MELTF: variants seen among roughly 807,000 people sequenced by gnomAD.
MELTF encodes melanotransferrin, also known as antigen p97 (melanoma associated) identified by monoclonal antibodies 133.2 and 96.5.
Under a neutral mutation model 83.7 loss-of-function variants are expected in MELTF, and 67 were observed. The observed-to-expected ratio is 0.80, with a 90% confidence interval of 0.66 to 0.98. The LOEUF is 0.98. MELTF is among the 50% of genes least tolerant of loss of function. MELTF has a pLI of 0.00. For synonymous variants in MELTF, 462 were observed against 447.6 expected (o/e 1.03, Z -0.41); for missense variants, 1,002 against 1,035.6 (o/e 0.97, Z 0.44).
At chr3:197,027,935 C>G (rs556535644) in intron 1 of MELTF, 25 bp from the exon 2 acceptor site, 18 of 1,539,592 alleles carry the variant, frequency 1.2e-5, no homozygotes, top group Non-Finnish European at 1.6e-5. Context: ...CCGTGAGGCC[C>G]GGCTCCCCCG....
intron 9 of MELTF, among the ~76,000 whole-genome samples, chr3:197,012,468 C>T (rs1247010189): frequency 6.6e-6 from 1 of 152,262 alleles, no homozygotes; most frequent in Non-Finnish European, 1.5e-5. Flanking sequence ...AGCCTGGTCA[C>T]CCTGTATTCT....
chr3:197,003,581 T>C lies in MELTF; in HGVS notation c.2138-130A>G, dbSNP rs1243164331. On this transcript the variant is annotated intron_variant, in intron 15 of 15. Transcript: ENST00000296350. The surrounding 1 kb of genome is among the most constrained non-coding windows in gnomAD (Gnocchi z 6.2). ...GCCGCAGCCTCCCTCTTTGTGCTCC[T>C]TTCCCCTGCTGCCCTTCCAGATGCG... 2.8e-6 allele frequency: 2 copies of C among 719,298 alleles called. No individual in the cohort carries two copies. The highest frequency in any genetic ancestry group is 3.6e-5 in the African/African-American group (2 of 55,076). 44.6% of individuals were successfully genotyped at this position (719,298 alleles called of 1,614,324 possible).
At position 197,003,632 on chromosome 3, in the gene MELTF, A is replaced by C. The variant is rs2108949682; in HGVS notation, c.2138-181T>G. 2 of 649,104 alleles carry C rather than the reference A, an allele frequency of 3.1e-6. No individual in the cohort carries two copies. Among genetic ancestry groups the C allele is most frequent in the Non-Finnish European group, 5.1e-6 (2 of 395,986 alleles). The allele number at this position is 649,104 out of a possible 1,614,324, so 40.2% of individuals were successfully genotyped here. A position where few individuals can be genotyped will look rare whatever the true frequency, so the allele number is the denominator to read the frequency against. On this transcript the variant is annotated intron_variant, in intron 15 of 15. Coordinates refer to ENST00000296350, the MANE Select transcript of MELTF (RefSeq NM_005929.6). The surrounding 1 kb of genome is among the most constrained non-coding windows in gnomAD (Gnocchi z 6.2). ...CTCTTTCCAGAAAGGCAGCACACGC[A>C]TGTCTCTGCCGTGGCCCCAGATCCT...
Position 197,003,298 on chromosome 3 carries a change from T to G in MELTF, c.*74A>C, listed in dbSNP as rs993646790. ...CGGGCCCGGCCTTCGCGAGCTTCCTTCTGGATTCCAGCGCGAAGCCGCCGC... is the reference window on the plus strand; with the variant it reads ...CGGGCCCGGCCTTCGCGAGCTTCCTGCTGGATTCCAGCGCGAAGCCGCCGC... On this transcript the variant is annotated 3_prime_UTR_variant, in exon 16 of 16. Transcript: ENST00000296350. This position sits in a 1 kb window ranked among gnomAD's most constrained non-coding sequence, Gnocchi z 6.2. The G allele has an allele frequency of 1.4e-5, 14 of 1,036,434 alleles. No homozygotes were observed. In the Admixed American group the frequency reaches 6.3e-4, roughly 46 times the overall value. The allele number at this position is 1,036,434 out of a possible 1,614,324, so 64.2% of individuals were successfully genotyped here. A position where few individuals can be genotyped will look rare whatever the true frequency, so the allele number is the denominator to read the frequency against.
In MELTF at chr3:197,010,791, C is replaced by G; in HGVS notation, c.1237G>C (p.Glu413Gln). 1 of 1,613,448 alleles carries G rather than the reference C, an allele frequency of 6.2e-7. No individual in the cohort carries two copies. Among genetic ancestry groups the G allele is most frequent in the Non-Finnish European group, 8.5e-7 (1 of 1,180,018 alleles). ...PQHCMERIQA[E>Q]QVDAVTLSGE... ...CTCAGGGTCACAGCGTCGACCTGCT[C>G]AGCCTGAAGGGAATAGAAGAAGCCA... Residue 413 changes from glutamate (E) to glutamine (Q), a missense_variant, in exon 10 of 16, where the codon GAG becomes CAG. Physicochemically the swap from Glu to Gln is conservative, Grantham distance 29 (BLOSUM62 2). Transcript: ENST00000296350.
In MELTF at chr3:197,008,877, G is replaced by A. The variant is rs527361780; in HGVS notation, c.1614C>T (p.Asp538=). Residue 538 remains aspartate, a synonymous_variant, in exon 12 of 16, where the codon GAC becomes GAT. Coordinates refer to ENST00000296350, the MANE Select transcript of MELTF (RefSeq NM_005929.6). The surrounding 1 kb of genome is among the most constrained non-coding windows in gnomAD (Gnocchi z 5.4). ...CCACACACTTGTTGCGGCCCTGCTC[G>A]TCCCCCACGCACAGTGCACACAGCG... ...PSSLCALCVG[D]EQGRNKCVGN... 9.0e-5 allele frequency: 146 copies of A among 1,614,172 alleles called. 1 individual carries two copies. The highest frequency in any genetic ancestry group is 4.9e-4 in the South Asian group (45 of 91,080).
In MELTF at chr3:197,003,099, GC is replaced by G. The variant is rs1310884725; in HGVS notation, c.*272del. 6.3e-6 allele frequency: 1 copy of G among 159,608 alleles called. No individual in the cohort carries two copies. The highest frequency in any genetic ancestry group is 2.4e-5 in the African/African-American group (1 of 41,214). The allele number at this position is 159,608 out of a possible 1,614,324, so 9.9% of individuals were successfully genotyped here. On this transcript the variant is annotated 3_prime_UTR_variant, in exon 16 of 16. Coordinates refer to ENST00000296350, the MANE Select transcript of MELTF (RefSeq NM_005929.6). This position sits in a 1 kb window ranked among gnomAD's most constrained non-coding sequence, Gnocchi z 6.2. ...GCGGGCGGCGGGAAGCCCGGACTCA[GC>G]GGTTTCCTGGGCAACCGGCCTCCTC...
Position 197,003,377 on chromosome 3 carries a change from G to GGGCGGGCGGGAGCA in MELTF, c.2198_2211dup (p.Leu738CysfsTer63), listed in dbSNP as rs1007186551. On this transcript the variant is annotated frameshift_variant, in exon 16 of 16. Coordinates refer to ENST00000296350, the MANE Select transcript of MELTF (RefSeq NM_005929.6). LOFTEE classifies it high-confidence loss of function. The surrounding 1 kb of genome is among the most constrained non-coding windows in gnomAD (Gnocchi z 6.2). ...CTGGGGCGGGGCGGCCGGGCTCAGA[G>GGGCGGGCGGGAGCA]GGCGGGCGGGAGCAGGCGGGCGGCG... 4 of 1,080,934 alleles carry GGGCGGGCGGGAGCA rather than the reference G, an allele frequency of 3.7e-6. No homozygotes were observed. The highest frequency in any genetic ancestry group is 1.7e-5 in the African/African-American group (1 of 58,922). The allele number at this position is 1,080,934 out of a possible 1,614,324, so 67.0% of individuals were successfully genotyped here.
At chr3:197,016,108 C>A (rs1023258681) in intron 8 of MELTF, 81 bp downstream of exon 8, 3 of 1,290,308 alleles carry the variant, frequency 2.3e-6, no homozygotes, top group Non-Finnish European at 3.1e-6. Flanking sequence ...CGTCTTCCCC[C>A]GGCCACTTTC....
intron 2 of MELTF, chr3:197,027,090 T>TA (rs1196873131): frequency 9.6e-6 from 3 of 313,820 alleles, no homozygotes; most frequent in African/African-American, 6.3e-5. Flanking sequence ...CCTGCGCCTC[T>TA]ACTGCTACCC....
At chr3:197,004,280 G>A (rs1348164927) in intron 14 of MELTF, 181 bp from the exon 15 acceptor site, 4 of 651,144 alleles carry the variant, frequency 6.1e-6, no homozygotes, top group Non-Finnish European at 8.1e-6. Context: ...TCACCCAAGC[G>A]GGTGTGGGGA....
intron 14 of MELTF, among the ~76,000 whole-genome samples, chr3:197,005,386 C>T (rs577863745): frequency 6.6e-6 from 1 of 152,272 alleles, no homozygotes; most frequent in South Asian, 2.1e-4. Context: ...GTCAAAATGT[C>T]AAGTATGTAG....
intron 4 of MELTF, chr3:197,023,850 T>C: frequency 2.2e-6 from 1 of 457,716 alleles, no homozygotes; most frequent in Non-Finnish European, 4.4e-6. Context: ...TTTACACGGC[T>C]GGTTGGGCTG....
In MELTF at chr3:197,003,335, G is replaced by A. The variant is rs1431996976; in HGVS notation, c.*37C>T. ...CGCGAAGCCGCCGCGGAAACTCCCCGGGCGGGCATCGGAGCTCTGGGGCGG... is the reference window on the plus strand; with the variant it reads ...CGCGAAGCCGCCGCGGAAACTCCCCAGGCGGGCATCGGAGCTCTGGGGCGG... On this transcript the variant is annotated 3_prime_UTR_variant, in exon 16 of 16. Transcript: ENST00000296350. This position sits in a 1 kb window ranked among gnomAD's most constrained non-coding sequence, Gnocchi z 6.2. 5 of 1,042,114 alleles carry A rather than the reference G, an allele frequency of 4.8e-6. No homozygotes were observed. In the African/African-American group the frequency reaches 5.2e-5, roughly 11 times the overall value. 64.6% of individuals were successfully genotyped at this position (1,042,114 alleles called of 1,614,324 possible).
rs142594703 is a variant in MELTF at position 197,022,010 on chromosome 3, T to A, written c.645-539A>T. Among the ~76,000 whole-genome samples the A allele has an allele frequency of 1.3e-4, 20 of 152,246 alleles. No individual in the cohort carries two copies. Among genetic ancestry groups the A allele is most frequent in the Non-Finnish European group, 2.6e-4 (18 of 68,000 alleles). On this transcript the variant is annotated intron_variant, in intron 5 of 15. Coordinates refer to ENST00000296350, the MANE Select transcript of MELTF (RefSeq NM_005929.6). The surrounding 1 kb of genome is among the most constrained non-coding windows in gnomAD (Gnocchi z 5.1). ...CTGGGGTGACAGGTGTGTGCCACCA[T>A]GCTGGGCTAATTTTCAGGGTGTTTT...
chr3:197,006,497 C>G lies in MELTF; in HGVS notation c.1938+52G>C, dbSNP rs114726464. 25,524 of 1,546,036 alleles carry G rather than the reference C, an allele frequency of 0.017. 487 individuals are homozygous for G. Among genetic ancestry groups the G allele is most frequent in the East Asian group, 0.077 (3,285 of 42,722 alleles). ...GGTAGACTGAGGCCTCCCAGGGGCT[C>G]AGCTTACCTCTGCTGCACACCCCTC... On this transcript the variant is annotated intron_variant, in intron 14 of 15. Coordinates refer to ENST00000296350, the MANE Select transcript of MELTF (RefSeq NM_005929.6). The surrounding 1 kb of genome is among the most constrained non-coding windows in gnomAD (Gnocchi z 5.4).
At chr3:197,025,045 G>A (rs1043389418) in intron 3 of MELTF, among the ~76,000 whole-genome samples, 2 of 152,238 alleles carry the variant, frequency 1.3e-5, no homozygotes, top group Admixed American at 6.5e-5. Context: ...AGTCGCTCAC[G>A]ACCCTGAATG....
chr3:197,012,064 G>A (rs1007164030), intron 9 of MELTF, among the ~76,000 whole-genome samples: 5 of 152,202 alleles, frequency 3.3e-5, no homozygotes, highest in Non-Finnish European at 7.3e-5. Flanking sequence ...AGGTTCCTCT[G>A]TCACCGTCAC....
intron 6 of MELTF, chr3:197,021,171 C>T: frequency 1.9e-6 from 1 of 532,124 alleles, no homozygotes; most frequent in Non-Finnish European, 3.3e-6. Context: ...TCGCTGGCCC[C>T]CTTCTCCTGC....
Sources: gnomAD v4.1 joint callset for allele counts (sites outside exome capture counted in the v4.1 genomes callset) on GRCh38, gnomAD v4.1.1 for gene constraint, Gnocchi (gnomAD v3.1) non-coding constraint, MANE v1.5 for transcripts, NCBI Gene and HGNC (gene_info 2026-07-23, HGNC 2026-07-21) for gene names.